ENOX2: variants seen among roughly 807,000 people sequenced by gnomAD.
The protein encoded by ENOX2 is ecto-NOX disulfide-thiol exchanger 2, also known as APK1 antigen.
ENOX2 carries 36 observed loss-of-function variants against 45.0 expected under a neutral mutation model. The observed-to-expected ratio is 0.80, with a 90% CI of 0.61 to 1.06. The LOEUF (loss-of-function observed/expected upper bound fraction) is 1.06. Ranked by LOEUF, ENOX2 falls within the 50% of genes least tolerant of loss-of-function variation. The probability of loss-of-function intolerance (pLI) is 0.00; values close to 1 mark genes in which losing one functional copy is unlikely to be tolerated. For synonymous variants in ENOX2, 174 were observed against 152.3 expected (o/e 1.14, Z -1.05); for missense variants, 423 against 462.5 (o/e 0.91, Z 0.78).
intron 9 of ENOX2, among the ~76,000 whole-genome samples, chrX:130,661,373 G>C (rs1337280384): frequency 9.1e-6 from 1 of 109,943 alleles, no homozygotes; most frequent in East Asian, 2.9e-4. Flanking sequence ...ATTTTTGGTA[G>C]AGATGGGGTT....
At chrX:130,717,604 C>T (rs1490214926) in intron 3 of ENOX2, among the ~76,000 whole-genome samples, 1 of 112,302 alleles carries the variant, frequency 8.9e-6, no homozygotes, top group Non-Finnish European at 1.9e-5. Flanking sequence ...TCAAGAGTGG[C>T]TATCTTCCTT....
chrX:130,866,804 T>C (rs1164048075), intron 2 of ENOX2, among the ~76,000 whole-genome samples: 5 of 111,139 alleles, frequency 4.5e-5, no homozygotes, highest in Non-Finnish European at 7.5e-5. Context: ...TTCTTATATT[T>C]AATAGAATTC....
At chrX:130,700,159 G>C (rs1000772565) in intron 4 of ENOX2, among the ~76,000 whole-genome samples, 1 of 112,268 alleles carries the variant, frequency 8.9e-6, no homozygotes, top group African/African-American at 3.2e-5. Flanking sequence ...TAGAACCCAA[G>C]TTCAAATGTC....
In ENOX2 at chrX:130,625,324, T is replaced by C; in HGVS notation, c.1736A>G (p.Lys579Arg). 2.5e-6 allele frequency: 3 copies of C among 1,211,425 alleles called. No individual in the cohort carries two copies. In the African/African-American group the frequency reaches 5.2e-5, roughly 21 times the overall value. The change falls in exon 15 of 15, where the codon AAG becomes AGG. Residue 579 changes from lysine (K) to arginine (R), a missense_variant. Physicochemically the swap from Lys to Arg is conservative, Grantham distance 26. Around this residue, in one of 5 missense-constraint regions of ENOX2, gnomAD observed 34 missense variants for 31.3 expected, o/e 1.09. Transcript: ENST00000394363. ...RWKFCGFEGL[K>R]LT ...GTTAGGCAAAGAGATTTAGGTCAGC[T>C]TCAAGCCCTCGAAGCCACAGAATTT... is the stretch of plus-strand genomic sequence containing the variant.
At position 130,625,345 on chromosome X, in the gene ENOX2, A is replaced by C; in HGVS notation, c.1715T>G (p.Phe572Cys). Residue 572 changes from phenylalanine (F) to cysteine (C), a missense_variant, in exon 15 of 15, where the codon TTC becomes TGC. Physicochemically the swap from Phe to Cys is radical, Grantham distance 205. Around this residue, in one of 5 missense-constraint regions of ENOX2, gnomAD observed 34 missense variants for 31.3 expected, o/e 1.09. Transcript: ENST00000394363. Reference sequence around the variant, plus strand: ...CAGCTTCAAGCCCTCGAAGCCACAGAATTTCCATCTCTTTTCCAGGCTGGC... The same window carrying C: ...CAGCTTCAAGCCCTCGAAGCCACAGCATTTCCATCTCTTTTCCAGGCTGGC... ...VGASLEKRWK[F>C]CGFEGLKLT 8.3e-7 allele frequency: 1 copy of C among 1,211,481 alleles called. No individual in the cohort carries two copies. The highest frequency in any genetic ancestry group is 1.1e-6 in the Non-Finnish European group (1 of 895,339).
At chrX:130,632,928 T>C (rs1041738568) in intron 12 of ENOX2, among the ~76,000 whole-genome samples, 1 of 112,248 alleles carries the variant, frequency 8.9e-6, no homozygotes, top group African/African-American at 3.2e-5. Flanking sequence ...CCTTAAAACA[T>C]TAAATGATAC....
At chrX:130,847,333 G>A (rs1476204425) in intron 2 of ENOX2, among the ~76,000 whole-genome samples, 2 of 111,574 alleles carry the variant, frequency 1.8e-5, no homozygotes, top group Non-Finnish European at 3.8e-5. Context: ...TGTGCTACTA[G>A]TGGCATCCAT....
intron 5 of ENOX2, among the ~76,000 whole-genome samples, chrX:130,687,890 C>T (rs1435676285): frequency 8.9e-6 from 1 of 112,002 alleles, no homozygotes; most frequent in Non-Finnish European, 1.9e-5. Flanking sequence ...AGGGCTTGGG[C>T]CATGATTAAC....
At chrX:130,660,300 C>T (rs1212352128) in intron 9 of ENOX2, among the ~76,000 whole-genome samples, 1 of 111,777 alleles carries the variant, frequency 8.9e-6, no homozygotes, top group Non-Finnish European at 1.9e-5. Flanking sequence ...CTAAAGTAAG[C>T]TTATGGGGAA....
chrX:130,775,551 CTCT>C (rs1036735254), intron 3 of ENOX2, among the ~76,000 whole-genome samples: 10 of 110,738 alleles, frequency 9.0e-5, no homozygotes, highest in African/African-American at 3.3e-4. Context: ...GCCCATTTTG[CTCT>C]TCATTTCTAG....
intron 5 of ENOX2, among the ~76,000 whole-genome samples, chrX:130,680,245 CTT>C (rs2037266465): frequency 8.9e-6 from 1 of 111,919 alleles, no homozygotes; most frequent in Non-Finnish European, 1.9e-5. Flanking sequence ...GGGGTACCTA[CTT>C]ACAACAATGC....
rs147229314 is a variant in ENOX2, at chrX:130,859,401, T to C, written c.-183+42283A>G. On this transcript the variant is annotated intron_variant, in intron 2 of 14. Coordinates refer to ENST00000394363, the MANE Select transcript of ENOX2 (RefSeq NM_006375.4). ...CCTAAATGGGATAAACAGATAAACA[T>C]AAAATGATTTTTAAAAATGTTTAAG... Among the ~76,000 whole-genome samples the C allele has an allele frequency of 2.5e-3, 280 of 111,939 alleles. 1 individual carries two copies. The highest frequency in any genetic ancestry group is 8.2e-3 in the African/African-American group (253 of 30,833).
At chrX:130,817,414 T>A (rs2077509468) in intron 2 of ENOX2, among the ~76,000 whole-genome samples, 1 of 111,803 alleles carries the variant, frequency 8.9e-6, no homozygotes, top group Non-Finnish European at 1.9e-5. Context: ...CCTAACTCAT[T>A]TTATGAGGCC....
At position 130,814,365 on chromosome X, in the gene ENOX2, A is replaced by G. The variant is rs149913531; in HGVS notation, c.-182-30675T>C. Among the ~76,000 whole-genome samples, 909 of 112,394 alleles carry G rather than the reference A, an allele frequency of 8.1e-3. 10 individuals are homozygous for G. The highest frequency in any genetic ancestry group is 0.028 in the African/African-American group (857 of 30,965). On this transcript the variant is annotated intron_variant, in intron 2 of 14. Transcript: ENST00000394363. ...GCCTGCTGGCTCTGAAGACAGCAGC[A>G]GATCTCCCAGCACAGCTCTCGAGCT...
intron 3 of ENOX2, among the ~76,000 whole-genome samples, chrX:130,741,743 C>G (rs754456693): frequency 1.8e-5 from 2 of 111,274 alleles, no homozygotes; most frequent in East Asian, 5.7e-4. Flanking sequence ...GCTGTAATTA[C>G]CAACCAAAGA....
chrX:130,720,344 C>T (rs1050613291), intron 3 of ENOX2, among the ~76,000 whole-genome samples: 1 of 112,410 alleles, frequency 8.9e-6, no homozygotes, highest in African/African-American at 3.2e-5. Flanking sequence ...GCAGAGGCAG[C>T]CCTCCTGGCC....
At chrX:130,813,752 C>G (rs2077431836) in intron 2 of ENOX2, among the ~76,000 whole-genome samples, 1 of 112,075 alleles carries the variant, frequency 8.9e-6, no homozygotes, top group Non-Finnish European at 1.9e-5. Flanking sequence ...CTTCACAACC[C>G]GCAGACAAAA....
At chrX:130,642,265 T>C (rs2036110590) in intron 10 of ENOX2, among the ~76,000 whole-genome samples, 1 of 111,747 alleles carries the variant, frequency 8.9e-6, no homozygotes, top group Non-Finnish European at 1.9e-5. Flanking sequence ...GAGGAAGTAA[T>C]GGCAGATGTG....
intron 4 of ENOX2, among the ~76,000 whole-genome samples, chrX:130,698,771 G>C (rs1198683735): frequency 9.0e-6 from 1 of 111,442 alleles, no homozygotes; most frequent in Non-Finnish European, 1.9e-5. Flanking sequence ...GATCCAGTGA[G>C]AACTGCCTCC....
Sources: allele counts gnomAD v4.1 joint callset (sites outside exome capture counted in the v4.1 genomes callset), GRCh38; gene constraint gnomAD v4.1.1; regional missense constraint gnomAD v4.1.1; transcripts MANE v1.5; gene names NCBI Gene and HGNC (gene_info 2026-07-23, HGNC 2026-07-21).